Variants in HNF4A observed in about 807,000 individuals in gnomAD.
HNF4A encodes the protein hepatocyte nuclear factor 4 alpha.
A neutral mutation model predicts 52.4 loss-of-function variants in HNF4A; 15 were observed. The observed-to-expected ratio is 0.29, with a 90% CI of 0.19 to 0.44. HNF4A has a LOEUF of 0.44. Among genes scored for constraint, HNF4A ranks in the 20% least tolerant of loss-of-function variants. The pLI, the probability that HNF4A is intolerant of heterozygous loss-of-function variation, is 1.00. For missense variants in HNF4A, 479 were observed against 647.2 expected (o/e 0.74, Z 2.82); for synonymous variants, 280 against 264.4 (o/e 1.06, Z -0.57).
At chr20:44,381,890 C>A (rs2063158395) in intron 1 of HNF4A, among the ~76,000 whole-genome samples, 3 of 152,172 alleles carry the variant, frequency 2.0e-5, no homozygotes, top group Admixed American at 2.0e-4. Context: ...GGATTACAGG[C>A]CTGAGCCACC....
intron 1 of HNF4A, among the ~76,000 whole-genome samples, chr20:44,387,655 C>CGGGGGGGGGGGGG (rs1212441244): frequency 2.3e-4 from 2 of 8,596 alleles, no homozygotes; most frequent in Non-Finnish European, 8.6e-4. Flanking sequence ...TGGAGGCAGG[C>CGGGGGGGGGGGGG]GGGGGGGGGG....
At chr20:44,421,234 T>C (rs1364488176) in intron 7 of HNF4A, among the ~76,000 whole-genome samples, 2 of 152,220 alleles carry the variant, frequency 1.3e-5, no homozygotes. Context: ...CCCTCTCCTG[T>C]GGCTCTTGGC....
intron 3 of HNF4A, 31 bp downstream of exon 3, chr20:44,407,506 A>G: frequency 7.0e-7 from 1 of 1,430,492 alleles, no homozygotes; most frequent in Non-Finnish European, 9.7e-7. Flanking sequence ...CCCCACCACC[A>G]CTGCCCCACC....
intron 2 of HNF4A, among the ~76,000 whole-genome samples, chr20:44,406,846 T>C (rs1299623001): frequency 3.3e-5 from 5 of 152,242 alleles, no homozygotes; most frequent in Non-Finnish European, 5.9e-5. Context: ...TCCCATTTTA[T>C]AGAGGAGGAA....
chr20:44,429,651 C>T lies in HNF4A; in HGVS notation c.1411C>T (p.Gln471Ter), dbSNP rs781747330. The T allele has an allele frequency of 1.9e-6, 3 of 1,614,124 alleles. No homozygotes were observed. Among genetic ancestry groups the T allele is most frequent in the Non-Finnish European group, 2.5e-6 (3 of 1,180,038 alleles). The change falls in exon 10 of 10, where the codon CAG becomes TAG. Residue 471 changes from glutamine to a stop codon, truncating the protein, a stop_gained. Coordinates refer to ENST00000316099, the MANE Select transcript of HNF4A (RefSeq NM_000457.6). LOFTEE classifies it high-confidence loss of function. ...CATCCCCCAGCCGACCATCACCAAG[C>T]AGGAAGTTATCTAGCAAGCCGCTGG...
chr20:44,410,506 G>T (rs2063566315), intron 3 of HNF4A, among the ~76,000 whole-genome samples: 1 of 151,940 alleles, frequency 6.6e-6, no homozygotes, highest in Admixed American at 6.6e-5. Context: ...TCCTCAGCCT[G>T]CTGGGAAGCT....
intron 1 of HNF4A, among the ~76,000 whole-genome samples, chr20:44,386,053 C>T (rs1724064183): frequency 2.7e-5 from 4 of 150,880 alleles, no homozygotes; most frequent in Admixed American, 2.6e-4. Flanking sequence ...GACAGGGTTT[C>T]ACCATGTTGG....
chr20:44,416,892 C>CCCCT (rs2063672999), intron 5 of HNF4A, among the ~76,000 whole-genome samples: 1 of 152,070 alleles, frequency 6.6e-6, no homozygotes, highest in Non-Finnish European at 1.5e-5. Flanking sequence ...CCTTTCCACT[C>CCCCT]CCCTCCCTCC....
rs369160824 is a variant in HNF4A at position 44,358,259 on chromosome 20, A to AAAAAAG, written c.49+2409_49+2410insAAGAAA. On this transcript the variant is annotated intron_variant, in intron 1 of 9. Transcript: ENST00000316673. ...GCTGGAAGGCTCCAGAAAAAAAAAA[A>AAAAAAG]AAAGAAAAGAAAAATTTGCTTTCTG... 2.5e-4 allele frequency among the ~76,000 whole-genome samples: 38 copies of AAAAAAG among 149,972 alleles called. 1 individual carries two copies. Among genetic ancestry groups the AAAAAAG allele is most frequent in the Non-Finnish European group, 3.9e-4 (26 of 67,490 alleles).
chr20:44,424,557 A>C (rs1435745250), intron 8 of HNF4A: 1 of 1,183,766 alleles, frequency 8.4e-7, no homozygotes, highest in Non-Finnish European at 1.2e-6. Flanking sequence ...GGATGCGTGG[A>C]TATCTGTGTA....
At chr20:44,420,331 A>G (rs2063727346) in intron 7 of HNF4A, among the ~76,000 whole-genome samples, 1 of 152,068 alleles carries the variant, frequency 6.6e-6, no homozygotes. Flanking sequence ...CAAAAAAACA[A>G]AAACAAAGGG....
intron 3 of HNF4A, among the ~76,000 whole-genome samples, chr20:44,410,344 T>C (rs917292139): frequency 2.0e-5 from 3 of 152,248 alleles, no homozygotes; most frequent in African/African-American, 7.2e-5. Context: ...TTTGTTTACA[T>C]GCCTGGGTTA....
chr20:44,409,344 T>C (rs3212185), intron 3 of HNF4A, among the ~76,000 whole-genome samples: 3,029 of 152,338 alleles, frequency 0.02, 93 homozygotes, highest in African/African-American at 0.07. Context: ...GATGCATGTG[T>C]GAACAGTTGG....
chr20:44,409,462 T>A (rs1303293518), intron 3 of HNF4A, among the ~76,000 whole-genome samples: 1 of 152,190 alleles, frequency 6.6e-6, no homozygotes, highest in Non-Finnish European at 1.5e-5. Context: ...GCACTATGAT[T>A]CCTCATAGGT....
At chr20:44,368,086 A>ATGTGTGTG (rs544910153) in intron 1 of HNF4A, among the ~76,000 whole-genome samples, 17 of 102,248 alleles carry the variant, frequency 1.7e-4, no homozygotes, top group Non-Finnish European at 1.7e-4. Context: ...ATATATATAT[A>ATGTGTGTG]TGTGTGTGTG....
intron 1 of HNF4A, among the ~76,000 whole-genome samples, chr20:44,404,339 C>G (rs1015574683): frequency 5.3e-5 from 8 of 152,054 alleles, no homozygotes; most frequent in African/African-American, 1.9e-4. Context: ...AAAAAGTGGG[C>G]AAGCTGGAAT....
intron 3 of HNF4A, among the ~76,000 whole-genome samples, chr20:44,412,156 G>C (rs2063593729): frequency 6.6e-6 from 1 of 152,210 alleles, no homozygotes; most frequent in South Asian, 2.1e-4. Context: ...ACCAGGCCCT[G>C]TTCTGGTGGC....
In HNF4A at chr20:44,429,941, A is replaced by C. The variant is rs965387344; in HGVS notation, c.*276A>C. ...AGCCACTGCCTTCACCTTCACCTTC[A>C]TCCATGTCCAACCCCCGACTTCATC... On this transcript the variant is annotated 3_prime_UTR_variant, in exon 10 of 10. Transcript: ENST00000316099. 3.0e-5 allele frequency: 14 copies of C among 467,172 alleles called. No individual in the cohort carries two copies. In the South Asian group the frequency reaches 3.7e-4, roughly 12 times the overall value. The allele number at this position is 467,172 out of a possible 1,614,324, so 28.9% of individuals were successfully genotyped here.
At chr20:44,370,997 G>C (rs1349307178) in intron 1 of HNF4A, among the ~76,000 whole-genome samples, 3 of 152,202 alleles carry the variant, frequency 2.0e-5, no homozygotes, top group African/African-American at 7.2e-5. Flanking sequence ...GTCAAAACAG[G>C]CATGACGAAG....
Sources: gnomAD v4.1 joint callset for allele counts (sites outside exome capture counted in the v4.1 genomes callset) on GRCh38, gnomAD v4.1.1 for gene constraint, MANE v1.5 for transcripts, NCBI Gene and HGNC (gene_info 2026-07-23, HGNC 2026-07-21) for gene names.